The following LAMB4 variants were observed in gnomAD, a reference collection of about 807,000 sequenced individuals.
LAMB4 encodes the protein laminin subunit beta 4.
Under a neutral mutation model 199.2 loss-of-function variants are expected in LAMB4, and 196 were observed. That is an observed-to-expected ratio of 0.98 (90% CI 0.88 to 1.11). The LOEUF (loss-of-function observed/expected upper bound fraction) is 1.11. Ranked by LOEUF, LAMB4 falls within the 50% of genes least tolerant of loss-of-function variation. LAMB4 has a pLI of 0.00. For synonymous variants in LAMB4, 744 were observed against 770.6 expected (o/e 0.97, Z 0.57); for missense variants, 2,080 against 2,171.2 (o/e 0.96, Z 0.83).
chr7:108,071,715 G>T (rs552905219), intron 17 of LAMB4, among the ~76,000 whole-genome samples: 1 of 152,206 alleles, frequency 6.6e-6, no homozygotes, highest in Admixed American at 6.5e-5. Context: ...TGTGTCTAGG[G>T]TGCATTTATG....
chr7:108,100,021 G>A (rs2037762836), intron 10 of LAMB4, among the ~76,000 whole-genome samples: 1 of 152,188 alleles, frequency 6.6e-6, no homozygotes, highest in South Asian at 2.1e-4. Flanking sequence ...CATCTTAATA[G>A]TGGCCAAAAG....
At chr7:108,128,353 A>G (rs1294288664) in intron 1 of LAMB4, among the ~76,000 whole-genome samples, 3 of 152,152 alleles carry the variant, frequency 2.0e-5, no homozygotes, top group African/African-American at 7.2e-5. Flanking sequence ...GACAGACGCT[A>G]CTGGCATTGA....
intron 21 of LAMB4, among the ~76,000 whole-genome samples, 177 bp downstream of exon 21, chr7:108,065,585 G>A (rs2036307794): frequency 1.3e-5 from 2 of 152,084 alleles, no homozygotes; most frequent in African/African-American, 4.8e-5. Flanking sequence ...ATTGTCATTG[G>A]TTTGTGAATC....
Position 108,066,386 on chromosome 7 carries a change from A to G in LAMB4, c.2661T>C (p.Thr887=). The G allele has an allele frequency of 6.2e-7, 1 of 1,613,832 alleles. No homozygotes were observed. The highest frequency in any genetic ancestry group is 8.5e-7 in the Non-Finnish European group (1 of 1,179,702). Reference sequence around the variant, plus strand: ...TTCCATACCTTTCACAGTTTCTGCCAGTTGTAAAGCCTCCACAATTGAAGC... The same window carrying G: ...TTCCATACCTTTCACAGTTTCTGCCGGTTGTAAAGCCTCCACAATTGAAGC... ...GSCFNCGGFT[T]GRNCERCIDG... The change falls in exon 20 of 34, where the codon ACT becomes ACC. Residue 887 remains threonine, a synonymous_variant. Transcript: ENST00000388781.
At chr7:108,035,820 A>G (rs1031521413) in intron 30 of LAMB4, among the ~76,000 whole-genome samples, 1 of 151,702 alleles carries the variant, frequency 6.6e-6, no homozygotes, top group African/African-American at 2.4e-5. Flanking sequence ...TTGCAATATA[A>G]GAATCTCTGC....
chr7:108,034,089 A>G (rs937141307), intron 31 of LAMB4, 119 bp downstream of exon 31: 12 of 959,546 alleles, frequency 1.3e-5, no homozygotes, highest in African/African-American at 3.3e-5. Flanking sequence ...AATCTTATTT[A>G]TCCTCATAAT....
Position 108,069,753 on chromosome 7 carries a change from T to A in LAMB4, c.2257A>T (p.Arg753Trp), listed in dbSNP as rs777006045. 1.4e-5 allele frequency: 22 copies of A among 1,613,838 alleles called. No individual in the cohort carries two copies. The South Asian group carries it at 2.3e-4, about 17-fold the overall frequency. ...GPQVLPGACE[R>W]LIISMSAKLH... ...TTGGCAGACATGCTGATGATCAGCCTTTCACAGGCACCCGGGAGCACTTGA... is the reference window on the plus strand; with the variant it reads ...TTGGCAGACATGCTGATGATCAGCCATTCACAGGCACCCGGGAGCACTTGA... The change falls in exon 18 of 34, where the codon AGG becomes TGG. Residue 753 changes from arginine (R) to tryptophan (W), a missense_variant. Coordinates refer to ENST00000388781, the MANE Select transcript of LAMB4 (RefSeq NM_007356.3).
chr7:108,060,952 T>C (rs959129802), intron 23 of LAMB4, among the ~76,000 whole-genome samples: 11 of 152,188 alleles, frequency 7.2e-5, no homozygotes, highest in Non-Finnish European at 1.6e-4. Flanking sequence ...CTTGATGATA[T>C]AACAGTCTGA....
rs776256422 is a variant in LAMB4, at chr7:108,109,182, G to A, written c.391C>T (p.Leu131=). The A allele has an allele frequency of 1.9e-6, 3 of 1,610,452 alleles. No individual in the cohort carries two copies. Among genetic ancestry groups the A allele is most frequent in the South Asian group, 2.2e-5 (2 of 90,984 alleles). ...EALFRFSHLI[L]TFKTFRPAAM... is the part of the protein sequence containing the mutation. ...CTATTAGTCTGTACCTTAAAGGTCA[G>A]GATAAGGTGGCTGAACCGAAATAAT... The change falls in exon 5 of 34, where the codon CTG becomes TTG. Residue 131 remains leucine (L), a synonymous_variant. Coordinates refer to ENST00000388781, the MANE Select transcript of LAMB4 (RefSeq NM_007356.3).
intron 10 of LAMB4, among the ~76,000 whole-genome samples, chr7:108,099,413 T>C (rs960242004): frequency 6.6e-6 from 1 of 152,100 alleles, no homozygotes; most frequent in African/African-American, 2.4e-5. Flanking sequence ...CAGGAGAGAG[T>C]AGAAGTCACA....
chr7:108,090,826 C>T (rs1368841370), intron 14 of LAMB4, among the ~76,000 whole-genome samples: 1 of 152,132 alleles, frequency 6.6e-6, no homozygotes, highest in African/African-American at 2.4e-5. Flanking sequence ...CATTTGGATT[C>T]CACCTACCGC....
intron 3 of LAMB4, among the ~76,000 whole-genome samples, chr7:108,114,553 G>C (rs983391180): frequency 1.3e-5 from 2 of 152,220 alleles, no homozygotes; most frequent in Non-Finnish European, 2.9e-5. Context: ...CAGAGAATTT[G>C]CTTTCTTACA....
intron 29 of LAMB4, among the ~76,000 whole-genome samples, chr7:108,043,545 G>GTTTTTTTTTTTTGTTTTTTT: frequency 1.8e-5 from 1 of 56,002 alleles, no homozygotes; most frequent in Non-Finnish European, 2.9e-5. Context: ...TGGCTATGAT[G>GTTTTTTTTTTTTGTTTTTTT]TTTTTTTTTT....
rs1039014989 is a variant in LAMB4, at chr7:108,109,228, G to A, written c.345C>T (p.Ser115=). 1.2e-6 allele frequency: 2 copies of A among 1,612,940 alleles called. No homozygotes were observed. The highest frequency in any genetic ancestry group is 1.7e-5 in the Admixed American group (1 of 60,018). ...WQSENGLDHV[S]IRLDLEALFR... ...ATAATGCCTCTAAGTCCAGTCTGAT[G>A]CTGACATGATCAAGACCTAAGGAAG... is the stretch of plus-strand genomic sequence containing the variant. The change falls in exon 5 of 34, where the codon AGC becomes AGT. Residue 115 remains serine, a synonymous_variant. Coordinates refer to ENST00000388781, the MANE Select transcript of LAMB4 (RefSeq NM_007356.3).
chr7:108,070,666 C>G (rs1241842764), intron 17 of LAMB4, among the ~76,000 whole-genome samples: 1 of 152,058 alleles, frequency 6.6e-6, no homozygotes, highest in Non-Finnish European at 1.5e-5. Context: ...TACAGTATAT[C>G]CTACATATAC....
At chr7:108,109,278 A>AT (rs1355654496) in intron 4 of LAMB4, 34 bp from the exon 5 acceptor site, 9 of 1,459,616 alleles carry the variant, frequency 6.2e-6, no homozygotes, top group Admixed American at 1.7e-5. Flanking sequence ...AAAATCAGTG[A>AT]TTTTGAGAGA....
At chr7:108,011,711 A>G in the LAMB4 span, among the ~76,000 whole-genome samples, 1,091 of 78,340 alleles carry the variant, frequency 0.014, 6 homozygotes, top group Non-Finnish European at 0.02. Flanking sequence ...GAGCCACTGC[A>G]CTCGGCCCAC....
In LAMB4 at chr7:108,029,048, A is replaced by G. The variant is rs1354361788; in HGVS notation, c.5141T>C (p.Ile1714Thr). The G allele has an allele frequency of 1.2e-6, 2 of 1,613,024 alleles. No homozygotes were observed. The highest frequency in any genetic ancestry group is 2.7e-5 in the African/African-American group (2 of 74,960). Reference protein sequence around the residue: ...AGDTEAKIRRITDLERKIQDL... With the variant: ...AGDTEAKIRRTTDLERKIQDL... ...ATGGATAAAAGAACAGATACCTGTTATTCTTCTTATCTTGGCCTCTGTATC... is the reference window on the plus strand; with the variant it reads ...ATGGATAAAAGAACAGATACCTGTTGTTCTTCTTATCTTGGCCTCTGTATC... Residue 1714 changes from isoleucine to threonine, a missense_variant, in exon 33 of 34, where the codon ATA becomes ACA. Transcript: ENST00000388781.
At chr7:108,031,469 G>C (rs892306101) in intron 31 of LAMB4, among the ~76,000 whole-genome samples, 3 of 150,476 alleles carry the variant, frequency 2.0e-5, no homozygotes, top group Non-Finnish European at 4.4e-5. Context: ...AATGAGCTAA[G>C]GCCCTCAGCG....
Sources: gnomAD v4.1 joint callset for allele counts (sites outside exome capture counted in the v4.1 genomes callset) on GRCh38, gnomAD v4.1.1 for gene constraint, MANE v1.5 for transcripts, NCBI Gene and HGNC (gene_info 2026-07-23, HGNC 2026-07-21) for gene names.